Variants in KCNH8 observed in about 807,000 individuals in gnomAD.
The protein encoded by KCNH8 is potassium voltage-gated channel subfamily H member 8.
In KCNH8, 70 loss-of-function variants were observed where a neutral mutation model predicts 103.6. That is an observed-to-expected ratio of 0.68 (90% confidence interval 0.56 to 0.82). The LOEUF is 0.82. Ranked by LOEUF, KCNH8 falls within the 40% of genes least tolerant of loss-of-function variation. The pLI is 0.00. For synonymous variants in KCNH8, 498 were observed against 489.4 expected, an observed-to-expected ratio of 1.02 and a Z score of -0.23; for missense variants, 1,217 against 1,329.9, an observed-to-expected ratio of 0.92 and a Z score of 1.32.
chr3:19,342,930 T>C (rs575817771), intron 4 of KCNH8, among the ~76,000 whole-genome samples: 6 of 152,162 alleles, frequency 3.9e-5, no homozygotes, highest in Non-Finnish European at 5.9e-5. Context: ...TATCACAGCA[T>C]AGAGATTAGA....
intron 2 of KCNH8, among the ~76,000 whole-genome samples, chr3:19,261,594 T>C (rs1295774484): frequency 1.3e-5 from 2 of 151,886 alleles, no homozygotes; most frequent in Non-Finnish European, 2.9e-5. Flanking sequence ...AGGTTTTTAG[T>C]TTGACGTAGT....
At chr3:19,393,314 A>G (rs1475136342) in intron 6 of KCNH8, among the ~76,000 whole-genome samples, 3 of 152,054 alleles carry the variant, frequency 2.0e-5, no homozygotes, top group African/African-American at 4.8e-5. Context: ...GGGAGCAAAC[A>G]TAATTTCTTT....
At chr3:19,177,014 C>T (rs1435824543) in intron 1 of KCNH8, among the ~76,000 whole-genome samples, 4 of 152,064 alleles carry the variant, frequency 2.6e-5, no homozygotes, top group African/African-American at 9.7e-5. Flanking sequence ...CATGCTTGAA[C>T]AAAGCTTATC....
intron 1 of KCNH8, among the ~76,000 whole-genome samples, chr3:19,183,796 A>G (rs2125204431): frequency 6.6e-6 from 1 of 152,292 alleles, no homozygotes; most frequent in African/African-American, 2.4e-5. Flanking sequence ...AACGCAATTC[A>G]CAGAGGAGGA....
chr3:19,416,590 A>C (rs973798104), intron 7 of KCNH8, among the ~76,000 whole-genome samples: 1 of 152,128 alleles, frequency 6.6e-6, no homozygotes, highest in Non-Finnish European at 1.5e-5. Flanking sequence ...ATTTTTAAAA[A>C]ATTCTTATTC....
intron 3 of KCNH8, among the ~76,000 whole-genome samples, chr3:19,320,736 A>G (rs2065338817): frequency 6.6e-6 from 1 of 151,760 alleles, no homozygotes; most frequent in African/African-American, 2.4e-5. Flanking sequence ...GTCTTTTGGG[A>G]TAGTGTCAAT....
chr3:19,443,533 G>A (rs2067313496), intron 8 of KCNH8, among the ~76,000 whole-genome samples: 1 of 151,344 alleles, frequency 6.6e-6, no homozygotes, highest in Non-Finnish European at 1.5e-5. Context: ...TAATTATGGA[G>A]TGTACAAACC....
intron 1 of KCNH8, among the ~76,000 whole-genome samples, chr3:19,196,676 G>A (rs1000161771): frequency 4.6e-5 from 7 of 151,992 alleles, no homozygotes; most frequent in Admixed American, 1.3e-4. Context: ...TCCTTTCTCC[G>A]CCGTGGAAGA....
intron 11 of KCNH8, among the ~76,000 whole-genome samples, chr3:19,510,045 A>G (rs944227426): frequency 3.3e-5 from 5 of 152,152 alleles, no homozygotes; most frequent in African/African-American, 7.2e-5. Flanking sequence ...TGGAAAATAC[A>G]GCCAATAAGC....
chr3:19,443,553 T>C (rs2067313704), intron 8 of KCNH8, among the ~76,000 whole-genome samples: 2 of 151,600 alleles, frequency 1.3e-5, no homozygotes, highest in Admixed American at 1.3e-4. Flanking sequence ...CACTAATATA[T>C]GGGAGGAATA....
chr3:19,471,522 A>G (rs1392195337), intron 11 of KCNH8, among the ~76,000 whole-genome samples: 3 of 152,216 alleles, frequency 2.0e-5, no homozygotes, highest in Admixed American at 2.0e-4. Context: ...AAAGAGGATG[A>G]TGTACATACT....
intron 5 of KCNH8, among the ~76,000 whole-genome samples, chr3:19,378,735 T>G (rs2066246611): frequency 1.3e-5 from 2 of 152,230 alleles, no homozygotes; most frequent in African/African-American, 2.4e-5. Context: ...AGAAATGATA[T>G]GTTATGATGA....
At chr3:19,196,414 A>G (rs2063602633) in intron 1 of KCNH8, among the ~76,000 whole-genome samples, 1 of 151,918 alleles carries the variant, frequency 6.6e-6, no homozygotes, top group Non-Finnish European at 1.5e-5. Context: ...AATGCTCAGC[A>G]CCAATGTAAT....
chr3:19,376,070 C>T (rs973860596), intron 5 of KCNH8, among the ~76,000 whole-genome samples: 1 of 152,134 alleles, frequency 6.6e-6, no homozygotes, highest in Non-Finnish European at 1.5e-5. Flanking sequence ...GTGCCCTGCC[C>T]CCAGAGGTGG....
chr3:19,508,845 G>A (rs2068738241), intron 11 of KCNH8, among the ~76,000 whole-genome samples: 1 of 152,166 alleles, frequency 6.6e-6, no homozygotes, highest in Admixed American at 6.5e-5. Context: ...CAACTTGACA[G>A]AACTCATCTA....
At chr3:19,410,966 G>C (rs2066768820) in intron 7 of KCNH8, among the ~76,000 whole-genome samples, 1 of 149,564 alleles carries the variant, frequency 6.7e-6, no homozygotes, top group African/African-American at 2.5e-5. Flanking sequence ...AATTCCACTA[G>C]AACTAATTTC....
chr3:19,215,705 A>G (rs2063811673), intron 1 of KCNH8, among the ~76,000 whole-genome samples: 1 of 152,182 alleles, frequency 6.6e-6, no homozygotes, highest in African/African-American at 2.4e-5. Flanking sequence ...ACAGCCCACA[A>G]CTTTTTCTCT....
intron 2 of KCNH8, among the ~76,000 whole-genome samples, chr3:19,265,427 C>T (rs897929110): frequency 6.6e-6 from 1 of 152,018 alleles, no homozygotes; most frequent in South Asian, 2.1e-4. Context: ...CTGCACAGAC[C>T]GCATGCCCAT....
intron 1 of KCNH8, among the ~76,000 whole-genome samples, chr3:19,233,320 C>A (rs1283762871): frequency 6.6e-6 from 1 of 152,044 alleles, no homozygotes; most frequent in African/African-American, 2.4e-5. Context: ...GGAATAATTA[C>A]TGGACAAATA....
Sources: allele counts gnomAD v4.1 joint callset (sites outside exome capture counted in the v4.1 genomes callset), GRCh38; gene constraint gnomAD v4.1.1; transcripts MANE v1.5; gene names NCBI Gene and HGNC (gene_info 2026-07-23, HGNC 2026-07-21).